The following MCPH1 variants were observed in gnomAD, a reference collection of about 807,000 sequenced individuals.
The protein encoded by MCPH1 is microcephalin 1, also known as microcephalin.
In MCPH1, 104 loss-of-function variants were observed where a neutral mutation model predicts 84.5. The observed-to-expected ratio is 1.23, with a 90% CI of 1.05 to 1.45. The LOEUF (loss-of-function observed/expected upper bound fraction) is 1.45. MCPH1 is among the 40% of genes most tolerant of loss of function. The pLI is 0.00. For missense variants in MCPH1, 1,498 were observed against 1,005.7 expected, an observed-to-expected ratio of 1.49 and a Z score of -6.62; for synonymous variants, 514 against 366.8, an observed-to-expected ratio of 1.40 and a Z score of -4.58.
At chr8:6,579,155 C>G (rs1189167688) in intron 12 of MCPH1, among the ~76,000 whole-genome samples, 1 of 152,212 alleles carries the variant, frequency 6.6e-6, no homozygotes, top group Admixed American at 6.5e-5. Context: ...CCTGACACCT[C>G]CATCTTGGCA....
At chr8:6,586,647 G>A (rs539794186) in intron 12 of MCPH1, among the ~76,000 whole-genome samples, 2 of 152,340 alleles carry the variant, frequency 1.3e-5, no homozygotes, top group East Asian at 3.9e-4. Context: ...GAGACGGCCA[G>A]GAGAAACCAT....
intron 3 of MCPH1, among the ~76,000 whole-genome samples, chr8:6,429,333 G>A (rs1801507570): frequency 6.6e-6 from 1 of 152,004 alleles, no homozygotes; most frequent in Admixed American, 6.6e-5. Flanking sequence ...GCAGTGAGTG[G>A]GCACAGGCAA....
intron 12 of MCPH1, chr8:6,514,822 T>G: frequency 2.0e-6 from 3 of 1,514,856 alleles, no homozygotes; most frequent in Non-Finnish European, 2.7e-6. Context: ...GCCCCCCCAC[T>G]CCCCCCTTAC....
At chr8:6,605,662 T>C (rs1318942486) in intron 12 of MCPH1, among the ~76,000 whole-genome samples, 1 of 152,110 alleles carries the variant, frequency 6.6e-6, no homozygotes, top group Non-Finnish European at 1.5e-5. Flanking sequence ...AGATCAAGTT[T>C]TGTTTTTAAG....
chr8:6,450,769 G>A (rs1342241696), intron 8 of MCPH1, among the ~76,000 whole-genome samples: 2 of 151,900 alleles, frequency 1.3e-5, no homozygotes, highest in Non-Finnish European at 2.9e-5. Flanking sequence ...TTGAGATAGG[G>A]TCTCACTCTG....
intron 5 of MCPH1, among the ~76,000 whole-genome samples, chr8:6,436,817 A>G (rs1172868954): frequency 6.6e-6 from 1 of 152,048 alleles, no homozygotes; most frequent in Non-Finnish European, 1.5e-5. Flanking sequence ...AAAATACAAA[A>G]AAATTAGCTG....
intron 3 of MCPH1, among the ~76,000 whole-genome samples, chr8:6,422,049 C>T (rs1238695084): frequency 6.6e-6 from 1 of 152,220 alleles, no homozygotes; most frequent in African/African-American, 2.4e-5. Flanking sequence ...ATTTGTTATT[C>T]TCTGTCTCAG....
intron 12 of MCPH1, among the ~76,000 whole-genome samples, chr8:6,546,786 CA>C (rs1822655716): frequency 1.3e-5 from 2 of 152,198 alleles, no homozygotes; most frequent in African/African-American, 4.8e-5. Flanking sequence ...CCCCTTCCCC[CA>C]ATCCAAGTAT....
intron 12 of MCPH1, chr8:6,508,256 C>G (rs1337656647): frequency 1.3e-5 from 2 of 152,336 alleles, no homozygotes; most frequent in Non-Finnish European, 2.9e-5. Context: ...TCGAGACCAG[C>G]CTGGCAAACA....
intron 12 of MCPH1, among the ~76,000 whole-genome samples, chr8:6,538,191 CACAAAT>C (rs1820855264): frequency 1.3e-5 from 2 of 151,536 alleles, no homozygotes; most frequent in Admixed American, 6.6e-5. Flanking sequence ...CTAGTAAATT[CACAAAT>C]AATTTGAGAT....
intron 12 of MCPH1, among the ~76,000 whole-genome samples, chr8:6,509,282 C>G (rs1190737582): frequency 1.3e-5 from 2 of 152,188 alleles, no homozygotes; most frequent in Non-Finnish European, 2.9e-5. Flanking sequence ...AAACCTTCAA[C>G]ACATATCACT....
intron 12 of MCPH1, among the ~76,000 whole-genome samples, chr8:6,529,943 G>A (rs1473397374): frequency 2.6e-5 from 4 of 151,516 alleles, no homozygotes; most frequent in African/African-American, 7.3e-5. Context: ...GTCTCTGACC[G>A]CTATAGGATG....
At chr8:6,407,360 A>G (rs942214007) in intron 1 of MCPH1, among the ~76,000 whole-genome samples, 1 of 152,008 alleles carries the variant, frequency 6.6e-6, no homozygotes, top group Admixed American at 6.5e-5. Flanking sequence ...ATATCATTTT[A>G]CAGGCAGAAA....
At chr8:6,626,342 G>A (rs1364554888) in intron 13 of MCPH1, 1 of 985,196 alleles carries the variant, frequency 1.0e-6, no homozygotes, top group Non-Finnish European at 1.2e-6. Context: ...TTATCGGAAA[G>A]GGCATGATTA....
chr8:6,411,423 A>G (rs2129551107), intron 2 of MCPH1, among the ~76,000 whole-genome samples: 1 of 152,378 alleles, frequency 6.6e-6, no homozygotes, highest in Non-Finnish European at 1.5e-5. Flanking sequence ...TGGCAGAACT[A>G]ATTTTCAGCC....
chr8:6,450,212 C>G (rs1186775476), intron 8 of MCPH1, among the ~76,000 whole-genome samples: 1 of 152,106 alleles, frequency 6.6e-6, no homozygotes, highest in Admixed American at 6.5e-5. Flanking sequence ...TACCTTCTAT[C>G]TACCAGATCT....
In MCPH1 at chr8:6,562,573, G is replaced by A. The variant is rs1162845190; in HGVS notation, c.2215-58881G>A. Reference sequence around the variant, plus strand: ...CCTTCTTTTTTTTTTTTTTTTTTTGGTTGTTAAAACCTGAGCTGCTGCCAA... The same window carrying A: ...CCTTCTTTTTTTTTTTTTTTTTTTGATTGTTAAAACCTGAGCTGCTGCCAA... On this transcript the variant is annotated intron_variant, in intron 12 of 13. Coordinates refer to ENST00000344683, the MANE Select transcript of MCPH1 (RefSeq NM_024596.5). 24 of 81,164 alleles carry A rather than the reference G, an allele frequency of 3.0e-4. No individual in the cohort carries two copies. The South Asian group carries it at 7.7e-3, about 26-fold the overall frequency. 5.0% of individuals were successfully genotyped at this position (81,164 alleles called of 1,614,324 possible). A position where few individuals can be genotyped will look rare whatever the true frequency, so the allele number is the denominator to read the frequency against.
At chr8:6,414,259 C>T (rs536322754) in intron 2 of MCPH1, among the ~76,000 whole-genome samples, 16 of 152,358 alleles carry the variant, frequency 1.1e-4, no homozygotes, top group East Asian at 9.6e-4. Flanking sequence ...CCACCTGCCT[C>T]GGCCTCCCAA....
chr8:6,433,125 C>T lies in MCPH1; in HGVS notation c.321+1539C>T, dbSNP rs541211938. Among the ~76,000 whole-genome samples, 4 of 152,286 alleles carry T rather than the reference C, an allele frequency of 2.6e-5. No homozygotes were observed. The South Asian group carries it at 8.3e-4, about 32-fold the overall frequency. ...GGTTTTGACCATTTCATGTCGGTAG[C>T]TTTGACTCTACTCAGTTTTCTGTAT... On this transcript the variant is annotated intron_variant, in intron 4 of 13. Transcript: ENST00000344683.
Sources: gnomAD v4.1 joint callset for allele counts (sites outside exome capture counted in the v4.1 genomes callset) on GRCh38, gnomAD v4.1.1 for gene constraint, MANE v1.5 for transcripts, NCBI Gene and HGNC (gene_info 2026-07-23, HGNC 2026-07-21) for gene names.